The following GATAD2A variants were observed in gnomAD, a reference collection of about 807,000 sequenced individuals.
GATAD2A encodes the protein transcriptional repressor p66-alpha.
In GATAD2A, 12 loss-of-function variants were observed where a neutral mutation model predicts 68.5. The ratio of observed to expected loss-of-function variants is 0.18; its 90% CI spans 0.11 to 0.28. The LOEUF (loss-of-function observed/expected upper bound fraction) is 0.28, where lower values mean the gene tolerates loss of function less well. Among genes scored for constraint, GATAD2A ranks in the 10% least tolerant of loss-of-function variants. The probability of loss-of-function intolerance (pLI) is 1.00; values close to 1 mark genes in which losing one functional copy is unlikely to be tolerated. For missense variants in GATAD2A, 755 were observed against 868.5 expected (o/e 0.87, Z 1.64); for synonymous variants, 410 against 375.3 (o/e 1.09, Z -1.07).
At chr19:19,472,224 T>C (rs1374331864) in intron 2 of GATAD2A, among the ~76,000 whole-genome samples, 1 of 152,162 alleles carries the variant, frequency 6.6e-6, no homozygotes, top group Admixed American at 6.5e-5. Context: ...TTGTGATAAG[T>C]AGCAGATCCA....
Position 19,430,816 on chromosome 19 carries a change from C to T in GATAD2A, c.-7+24797C>T, listed in dbSNP as rs200123770. On this transcript the variant is annotated intron_variant, in intron 1 of 11. Coordinates refer to ENST00000683918, the MANE Select transcript of GATAD2A (RefSeq NM_001384528.1). ...TCCTTTCCTCAAATTAAAAGGACCT[C>T]GCTAGCCTGAGCTTGAGAGGATAAA... is the stretch of plus-strand genomic sequence containing the variant. Among the ~76,000 whole-genome samples, 7 of 152,156 alleles carry T rather than the reference C, an allele frequency of 4.6e-5. No individual in the cohort carries two copies. In the East Asian group the frequency reaches 1.3e-3, roughly 29 times the overall value.
chr19:19,420,786 G>A (rs2052326809), intron 1 of GATAD2A, among the ~76,000 whole-genome samples: 1 of 152,070 alleles, frequency 6.6e-6, no homozygotes, highest in Non-Finnish European at 1.5e-5. Flanking sequence ...GTGTGGGTAT[G>A]ATGACAGTCC....
intron 1 of GATAD2A, among the ~76,000 whole-genome samples, chr19:19,454,986 C>T (rs1389584359): frequency 6.6e-6 from 1 of 152,136 alleles, no homozygotes; most frequent in African/African-American, 2.4e-5. Flanking sequence ...CAGACACGCC[C>T]ATTCAGGTAT....
chr19:19,442,455 G>A (rs911348336), intron 1 of GATAD2A, among the ~76,000 whole-genome samples: 5 of 151,914 alleles, frequency 3.3e-5, no homozygotes, highest in Admixed American at 6.6e-5. Context: ...GTGAAACCCC[G>A]TCTCTACTGA....
chr19:19,468,227 A>G (rs1294818673), intron 2 of GATAD2A, among the ~76,000 whole-genome samples: 1 of 152,224 alleles, frequency 6.6e-6, no homozygotes, highest in Non-Finnish European at 1.5e-5. Context: ...CTGTCCAGCC[A>G]CTGTCAGCTT....
chr19:19,457,769 C>T (rs1057433071), intron 1 of GATAD2A, among the ~76,000 whole-genome samples: 1 of 151,922 alleles, frequency 6.6e-6, no homozygotes, highest in Non-Finnish European at 1.5e-5. Flanking sequence ...TAACAAAAGG[C>T]CCCTTGCACA....
At chr19:19,502,604 A>T (rs2060610607) in intron 11 of GATAD2A, 78 bp downstream of exon 11, 2 of 1,166,232 alleles carry the variant, frequency 1.7e-6, no homozygotes, top group Non-Finnish European at 2.4e-6. Context: ...ACAGAGGCAC[A>T]TGTGCAGCGG....
At chr19:19,443,537 C>T (rs1026784642) in intron 1 of GATAD2A, among the ~76,000 whole-genome samples, 2 of 152,100 alleles carry the variant, frequency 1.3e-5, no homozygotes, top group African/African-American at 4.8e-5. Context: ...AATACTGACC[C>T]CTTTAGCACA....
chr19:19,448,293 C>T (rs750396043), intron 1 of GATAD2A, among the ~76,000 whole-genome samples: 2 of 152,238 alleles, frequency 1.3e-5, no homozygotes, highest in African/African-American at 4.8e-5. Context: ...CCTTGGGCAG[C>T]GTCTGTTTCT....
chr19:19,458,449 G>A (rs529550759), intron 1 of GATAD2A: 8 of 152,224 alleles, frequency 5.3e-5, no homozygotes, highest in Non-Finnish European at 8.8e-5. Context: ...TTACAGAAAC[G>A]TAGGCGTAAC....
At chr19:19,462,849 C>A (rs2057557222) in intron 1 of GATAD2A, among the ~76,000 whole-genome samples, 1 of 152,174 alleles carries the variant, frequency 6.6e-6, no homozygotes, top group African/African-American at 2.4e-5. Flanking sequence ...TTCGAGAACT[C>A]ATTCAGGGTC....
chr19:19,476,071 T>G (rs948191610), intron 2 of GATAD2A, among the ~76,000 whole-genome samples: 1 of 152,184 alleles, frequency 6.6e-6, no homozygotes, highest in African/African-American at 2.4e-5. Context: ...CCTCTGGTCA[T>G]GGAGGGGACT....
chr19:19,486,903 G>A (rs1017281897), intron 2 of GATAD2A, among the ~76,000 whole-genome samples: 1 of 152,250 alleles, frequency 6.6e-6, no homozygotes. Context: ...GCAAGAGGCA[G>A]AATCAAGTGA....
At chr19:19,408,666 T>C (rs914690065) in intron 1 of GATAD2A, among the ~76,000 whole-genome samples, 2 of 152,264 alleles carry the variant, frequency 1.3e-5, no homozygotes, top group African/African-American at 2.4e-5. Context: ...TAGATTGATA[T>C]ATTCAACAAA....
At chr19:19,462,035 G>A (rs1326872579) in intron 1 of GATAD2A, among the ~76,000 whole-genome samples, 1 of 152,198 alleles carries the variant, frequency 6.6e-6, no homozygotes, top group African/African-American at 2.4e-5. Flanking sequence ...CCTGTCACTG[G>A]GAATTTTGAA....
intron 1 of GATAD2A, among the ~76,000 whole-genome samples, chr19:19,386,512 G>A (rs1277804108): frequency 6.6e-6 from 1 of 151,416 alleles, no homozygotes; most frequent in Non-Finnish European, 1.5e-5. Flanking sequence ...CCCATCTAGG[G>A]GACCCTTGCC....
chr19:19,408,516 C>T (rs192667109), intron 1 of GATAD2A, among the ~76,000 whole-genome samples: 13 of 152,028 alleles, frequency 8.6e-5, no homozygotes, highest in African/African-American at 3.1e-4. Context: ...TTTTTAGTGT[C>T]TCTGTATTTT....
intron 2 of GATAD2A, among the ~76,000 whole-genome samples, chr19:19,480,293 C>G (rs977312372): frequency 6.6e-6 from 1 of 152,216 alleles, no homozygotes; most frequent in Non-Finnish European, 1.5e-5. Context: ...GTTATAGAGA[C>G]GTTTCAGATA....
At chr19:19,433,192 C>A (rs769698572) in intron 1 of GATAD2A, among the ~76,000 whole-genome samples, 1 of 152,204 alleles carries the variant, frequency 6.6e-6, no homozygotes, top group African/African-American at 2.4e-5. Flanking sequence ...CACCACCCCC[C>A]TGCCCCAGGA....
Sources: gnomAD v4.1 joint callset for allele counts (sites outside exome capture counted in the v4.1 genomes callset) on GRCh38, gnomAD v4.1.1 for gene constraint, MANE v1.5 for transcripts, NCBI Gene and HGNC (gene_info 2026-07-23, HGNC 2026-07-21) for gene names.